KBTBD11: variants seen among roughly 807,000 people sequenced by gnomAD.
KBTBD11 encodes the protein kelch repeat and BTB domain-containing protein 11.
For synonymous variants in KBTBD11, 747 were observed against 499.0 expected (o/e 1.50, Z -6.63); for missense variants, 1,390 against 1,001.8 (o/e 1.39, Z -5.23).
chr8:2,002,025 G>A lies in KBTBD11; in HGVS notation c.833G>A (p.Gly278Asp). 4.3e-6 allele frequency: 6 copies of A among 1,388,460 alleles called. No homozygotes were observed. The highest frequency in any genetic ancestry group is 5.7e-6 in the Non-Finnish European group (6 of 1,058,846). 86.0% of individuals were successfully genotyped at this position (1,388,460 alleles called of 1,614,324 possible). ...CCCGCCGTGTTCGGCCGCCTGTCGG[G>A]CGCAGAGCGGGACCTGCTGCTGCGC... is the stretch of plus-strand genomic sequence containing the variant. The part of the protein sequence containing the change: ...REPAVFGRLS[G>D]AERDLLLRRR... Residue 278 changes from glycine (G) to aspartate (D), a missense_variant, in exon 2 of 2, where the codon GGC becomes GAC. Physicochemically the swap from Gly to Asp is moderately conservative, Grantham distance 94. Transcript: ENST00000320248. This position sits in a 1 kb window ranked among gnomAD's most constrained non-coding sequence, Gnocchi z 4.1.
Position 2,002,043 on chromosome 8 carries a change from T to A in KBTBD11, c.851T>A (p.Leu284Gln), listed in dbSNP as rs1158041770. ...GRLSGAERDL[L>Q]LRRRLRAGRA... ...CTGTCGGGCGCAGAGCGGGACCTGC[T>A]GCTGCGCCGCCGCCTGCGCGCCGGC... Residue 284 changes from leucine (L) to glutamine (Q), a missense_variant, in exon 2 of 2, where the codon CTG becomes CAG. Leu to Gln is a moderately radical substitution (Grantham distance 113). Coordinates refer to ENST00000320248, the MANE Select transcript of KBTBD11 (RefSeq NM_014867.3). The surrounding 1 kb of genome is among the most constrained non-coding windows in gnomAD (Gnocchi z 4.1). The A allele has an allele frequency of 2.4e-6, 3 of 1,250,536 alleles. No individual in the cohort carries two copies. Among genetic ancestry groups the A allele is most frequent in the Non-Finnish European group, 3.0e-6 (3 of 990,498 alleles). The allele number at this position is 1,250,536 out of a possible 1,614,324, so 77.5% of individuals were successfully genotyped here. A position where few individuals can be genotyped will look rare whatever the true frequency, so the allele number is the denominator to read the frequency against.
In KBTBD11 at chr8:2,001,939, C is replaced by A. The variant is rs200861095; in HGVS notation, c.747C>A (p.Asn249Lys). ...VLSAAKRQRL[N>K]ELRDAAYCFM... Reference sequence around the variant, plus strand: ...GCGCGGCCAAGCGGCAGCGGCTGAACGAGCTGCGCGACGCCGCCTACTGCT... The same window carrying A: ...GCGCGGCCAAGCGGCAGCGGCTGAAAGAGCTGCGCGACGCCGCCTACTGCT... The change falls in exon 2 of 2, where the codon AAC becomes AAA. Residue 249 changes from asparagine to lysine, a missense_variant. Asn to Lys is a moderately conservative substitution (Grantham distance 94). Transcript: ENST00000320248. The A allele has an allele frequency of 1.4e-6, 2 of 1,471,402 alleles. No homozygotes were observed. The highest frequency in any genetic ancestry group is 1.9e-4 in the Middle Eastern group (1 of 5,302). The allele number at this position is 1,471,402 out of a possible 1,614,324, so 91.1% of individuals were successfully genotyped here. A position where few individuals can be genotyped will look rare whatever the true frequency, so the allele number is the denominator to read the frequency against.
rs887623679 is a variant in KBTBD11 at position 1,973,780 on chromosome 8, C to G, written c.-1064C>G. ...ACCGCCCCCTCTGCCGCCCACGCCCCGCTGCGGGTCGGAGGAGCAGCTCCC... is the reference window on the plus strand; with the variant it reads ...ACCGCCCCCTCTGCCGCCCACGCCCGGCTGCGGGTCGGAGGAGCAGCTCCC... On this transcript the variant is annotated 5_prime_UTR_variant, in exon 1 of 2. Coordinates refer to ENST00000320248, the MANE Select transcript of KBTBD11 (RefSeq NM_014867.3). 2.1e-5 allele frequency: 21 copies of G among 983,776 alleles called. No homozygotes were observed. The African/African-American group carries it at 3.1e-4, about 15-fold the overall frequency. The allele number at this position is 983,776 out of a possible 1,614,324, so 60.9% of individuals were successfully genotyped here. A position where few individuals can be genotyped will look rare whatever the true frequency, so the allele number is the denominator to read the frequency against.
chr8:1,995,571 C>A (rs900536289), intron 1 of KBTBD11, among the ~76,000 whole-genome samples: 1 of 152,116 alleles, frequency 6.6e-6, no homozygotes, highest in South Asian at 2.1e-4. Flanking sequence ...CACGGGGCAT[C>A]AGTGTCAGTG....
Position 2,003,704 on chromosome 8 carries a change from C to T in KBTBD11, c.*640C>T, listed in dbSNP as rs1817485529. ...TATTTCCTTCCCCACACCATTGCTA[C>T]TCAAACTCACATGCCTAGAGCAGCT... On this transcript the variant is annotated 3_prime_UTR_variant, in exon 2 of 2. Transcript: ENST00000320248. The T allele has an allele frequency of 6.0e-6, 1 of 167,062 alleles. No homozygotes were observed. Among genetic ancestry groups the T allele is most frequent in the East Asian group, 1.9e-4 (1 of 5,202 alleles). The allele number at this position is 167,062 out of a possible 1,614,324, so 10.3% of individuals were successfully genotyped here.
At position 2,002,137 on chromosome 8, in the gene KBTBD11, C is replaced by G. The variant is rs1469465442; in HGVS notation, c.945C>G (p.Pro315=). 16 of 1,161,292 alleles carry G rather than the reference C, an allele frequency of 1.4e-5. No homozygotes were observed. Among genetic ancestry groups the G allele is most frequent in the African/African-American group, 4.9e-5 (3 of 60,736 alleles). 71.9% of individuals were successfully genotyped at this position (1,161,292 alleles called of 1,614,324 possible). The change falls in exon 2 of 2, where the codon CCC becomes CCG. Residue 315 remains proline (P), a synonymous_variant. Transcript: ENST00000320248. The surrounding 1 kb of genome is among the most constrained non-coding windows in gnomAD (Gnocchi z 4.1). Reference sequence around the variant, plus strand: ...GCGCGGGCAGCCGGCCTCAGAGCCCCTCGGGGGACGCGGACGCGCGCGGGG... The same window carrying G: ...GCGCGGGCAGCCGGCCTCAGAGCCCGTCGGGGGACGCGGACGCGCGCGGGG... ...GERAGSRPQS[P]SGDADARGDA...
In KBTBD11 at chr8:2,003,917, C is replaced by T. The variant is rs1486488459; in HGVS notation, c.*853C>T. The T allele has an allele frequency of 1.8e-5, 3 of 166,924 alleles. No individual in the cohort carries two copies. The highest frequency in any genetic ancestry group is 1.5e-5 in the Non-Finnish European group (1 of 68,126). 10.3% of individuals were successfully genotyped at this position (166,924 alleles called of 1,614,324 possible). ...CTAAAAAGCAATCTTTGATAGTCCA[C>T]TCTGTATGCCCAGCCGCTTTCATAA... On this transcript the variant is annotated 3_prime_UTR_variant, in exon 2 of 2. Coordinates refer to ENST00000320248, the MANE Select transcript of KBTBD11 (RefSeq NM_014867.3).
chr8:2,001,089 G>A lies in KBTBD11; in HGVS notation c.-104G>A, dbSNP rs1817325823. ...AGAAGTGAAATCTGATCGCGTGCCA[G>A]GAAAAGCTGTGAGGCTGGAAACCCC... On this transcript the variant is annotated 5_prime_UTR_variant, in exon 2 of 2. Coordinates refer to ENST00000320248, the MANE Select transcript of KBTBD11 (RefSeq NM_014867.3). 2 of 1,253,878 alleles carry A rather than the reference G, an allele frequency of 1.6e-6. No homozygotes were observed. The highest frequency in any genetic ancestry group is 1.0e-6 in the Non-Finnish European group (1 of 997,318). 77.7% of individuals were successfully genotyped at this position (1,253,878 alleles called of 1,614,324 possible). A position where few individuals can be genotyped will look rare whatever the true frequency, so the allele number is the denominator to read the frequency against.
At chr8:1,974,258 C>A in intron 1 of KBTBD11, 2 of 975,308 alleles carry the variant, frequency 2.1e-6, no homozygotes, top group African/African-American at 3.5e-5. Context: ...CTCGCGGGGT[C>A]TCCACAGGCC....
rs1186837687 is a variant in KBTBD11 at position 2,006,165 on chromosome 8, A to C, written c.*3101A>C. 1 of 167,100 alleles carries C rather than the reference A, an allele frequency of 6.0e-6. No individual in the cohort carries two copies. The highest frequency in any genetic ancestry group is 6.5e-5 in the Admixed American group (1 of 15,288). 10.4% of individuals were successfully genotyped at this position (167,100 alleles called of 1,614,324 possible). On this transcript the variant is annotated 3_prime_UTR_variant, in exon 2 of 2. Transcript: ENST00000320248. ...GCTACAAATAAGTAAGAAATTAATCATCTGCTCTGTTTCTGCTAATTTCTG... is the reference window on the plus strand; with the variant it reads ...GCTACAAATAAGTAAGAAATTAATCCTCTGCTCTGTTTCTGCTAATTTCTG...
intron 1 of KBTBD11, among the ~76,000 whole-genome samples, chr8:1,998,454 T>G (rs151141860): frequency 5.9e-5 from 9 of 152,312 alleles, no homozygotes; most frequent in African/African-American, 2.2e-4. Context: ...GTTCCAAATT[T>G]AAGCTTTTAA....
intron 1 of KBTBD11, among the ~76,000 whole-genome samples, chr8:1,995,793 G>A (rs923025630): frequency 6.6e-6 from 1 of 152,204 alleles, no homozygotes; most frequent in African/African-American, 2.4e-5. Context: ...AGGAGGCCGA[G>A]GCAGGTGGAC....
chr8:1,981,188 A>C (rs1016330435), intron 1 of KBTBD11, among the ~76,000 whole-genome samples: 2 of 152,236 alleles, frequency 1.3e-5, no homozygotes, highest in Non-Finnish European at 2.9e-5. Flanking sequence ...CTGTACCCAG[A>C]AAGGCTGTCA....
chr8:2,000,002 G>A (rs569235737), intron 1 of KBTBD11, among the ~76,000 whole-genome samples: 3 of 152,274 alleles, frequency 2.0e-5, no homozygotes, highest in East Asian at 1.9e-4. Context: ...CAACCGATGC[G>A]TGTCAGGCCT....
intron 1 of KBTBD11, among the ~76,000 whole-genome samples, chr8:1,994,148 A>G (rs575755325): frequency 3.3e-5 from 5 of 152,084 alleles, no homozygotes; most frequent in Non-Finnish European, 7.3e-5. Flanking sequence ...GAAATTCCCA[A>G]TAATTTTACT....
chr8:1,976,048 G>C (rs1046402455), intron 1 of KBTBD11: 1 of 152,090 alleles, frequency 6.6e-6, no homozygotes, highest in African/African-American at 2.4e-5. Context: ...AGTAATAATA[G>C]CTCTCCTGCA....
At position 2,001,439 on chromosome 8, in the gene KBTBD11, G is replaced by A. The variant is rs1817349103; in HGVS notation, c.247G>A (p.Ala83Thr). Reference sequence around the variant, plus strand: ...GGAGCGGCAGTGGGAGGCCGGCAGCGCGGGCGCCGCGTCCCCGGAGGAGCT... The same window carrying A: ...GGAGCGGCAGTGGGAGGCCGGCAGCACGGGCGCCGCGTCCCCGGAGGAGCT... Reference protein sequence around the residue: ...VVERQWEAGSAGAASPEELAS... With the variant: ...VVERQWEAGSTGAASPEELAS... Residue 83 changes from alanine (A) to threonine (T), a missense_variant, in exon 2 of 2, where the codon GCG becomes ACG. Ala to Thr is a moderately conservative substitution (Grantham distance 58, BLOSUM62 0). Coordinates refer to ENST00000320248, the MANE Select transcript of KBTBD11 (RefSeq NM_014867.3). The A allele has an allele frequency of 2.2e-6, 3 of 1,357,956 alleles. No individual in the cohort carries two copies. The highest frequency in any genetic ancestry group is 3.6e-5 in the South Asian group (2 of 55,572). 84.1% of individuals were successfully genotyped at this position (1,357,956 alleles called of 1,614,324 possible).
At chr8:1,974,553 G>A (rs905583732) in intron 1 of KBTBD11, 1 of 985,092 alleles carries the variant, frequency 1.0e-6, no homozygotes, top group Non-Finnish European at 1.2e-6. Context: ...TGCGCCCGGG[G>A]TGCGGGGGTG....
intron 1 of KBTBD11, among the ~76,000 whole-genome samples, chr8:1,983,158 G>A (rs1352954407): frequency 6.6e-6 from 1 of 152,194 alleles, no homozygotes; most frequent in Non-Finnish European, 1.5e-5. Context: ...TCACTTCTGT[G>A]CCACCCACAA....
Sources: allele counts gnomAD v4.1 joint callset (sites outside exome capture counted in the v4.1 genomes callset), GRCh38; gene constraint gnomAD v4.1.1; non-coding constraint Gnocchi (gnomAD v3.1); transcripts MANE v1.5; gene names NCBI Gene and HGNC (gene_info 2026-07-23, HGNC 2026-07-21).